SPAM1: variants seen among roughly 807,000 people sequenced by gnomAD.
The protein encoded by SPAM1 is hyaluronidase PH-20.
Under a neutral mutation model 29.6 loss-of-function variants are expected in SPAM1, and 22 were observed. The ratio of observed to expected loss-of-function variants is 0.74; its 90% CI spans 0.53 to 1.06. The LOEUF is 1.06. Ranked by LOEUF, SPAM1 falls within the 50% of genes least tolerant of loss-of-function variation. SPAM1 has a pLI of 0.00. For missense variants in SPAM1, 534 were observed against 604.0 expected (o/e 0.88, Z 1.21); for synonymous variants, 194 against 204.6 (o/e 0.95, Z 0.44).
chr7:123,925,735 CAAA>C (rs59215674), intron 1 of SPAM1: 144 of 129,260 alleles, frequency 1.1e-3, no homozygotes, highest in Admixed American at 3.0e-3. Context: ...GACTCTGTCA[CAAA>C]AAAAAAAAAA....
At position 123,929,895 on chromosome 7, in the gene SPAM1, ATT is replaced by A. The variant is rs71163712; in HGVS notation, c.-319+4562_-319+4563del. Among the ~76,000 whole-genome samples the A allele has an allele frequency of 5.0e-4, 60 of 119,778 alleles. 1 individual carries two copies. The highest frequency in any genetic ancestry group is 6.2e-4 in the African/African-American group (20 of 32,454). 78.6% of individuals were successfully genotyped at this position (119,778 alleles called of 152,430 possible). A position where few individuals can be genotyped will look rare whatever the true frequency, so the allele number is the denominator to read the frequency against. On this transcript the variant is annotated intron_variant, in intron 1 of 4. Coordinates refer to ENST00000682466, the MANE Select transcript of SPAM1 (RefSeq NM_153189.3). ...AAAGAAGGAAGCTGGGTGTTTAGGG[ATT>A]TTTTTTTTTTTTTTTTTTGAGGAGT... is the stretch of plus-strand genomic sequence containing the variant.
At chr7:123,942,708 A>G (rs1808466346) in intron 1 of SPAM1, among the ~76,000 whole-genome samples, 1 of 152,190 alleles carries the variant, frequency 6.6e-6, no homozygotes, top group Non-Finnish European at 1.5e-5. Flanking sequence ...GGACTGTCAG[A>G]AAGTGACATT....
intron 1 of SPAM1, among the ~76,000 whole-genome samples, chr7:123,933,474 G>A (rs1808153338): frequency 6.6e-6 from 1 of 152,172 alleles, no homozygotes; most frequent in Non-Finnish European, 1.5e-5. Flanking sequence ...ATGTTAAATT[G>A]TGGAGAAGTG....
intron 1 of SPAM1, among the ~76,000 whole-genome samples, chr7:123,941,383 C>T (rs796601576): frequency 6.6e-6 from 1 of 152,182 alleles, no homozygotes; most frequent in South Asian, 2.1e-4. Flanking sequence ...TGTGGCAGGG[C>T]GGGACAACTT....
intron 1 of SPAM1, among the ~76,000 whole-genome samples, chr7:123,930,689 C>T (rs1808046434): frequency 6.6e-6 from 1 of 152,156 alleles, no homozygotes; most frequent in Non-Finnish European, 1.5e-5. Flanking sequence ...AACAAAGACT[C>T]CTTATAGACT....
intron 5 of SPAM1, among the ~76,000 whole-genome samples, chr7:123,965,369 C>T (rs1289254323): frequency 6.6e-6 from 1 of 152,026 alleles, no homozygotes; most frequent in Non-Finnish European, 1.5e-5. Context: ...GTCATGATAT[C>T]TTTGCCCTTG....
At chr7:123,970,608 A>AATAATAATAATAATT (rs376690940) in intron 6 of SPAM1, among the ~76,000 whole-genome samples, 12,811 of 146,876 alleles carry the variant, frequency 0.087, 681 homozygotes, top group South Asian at 0.12. Context: ...TAATAATAAT[A>AATAATAATAATAATT]ATTATTATTA....
intron 2 of SPAM1, among the ~76,000 whole-genome samples, chr7:123,951,604 C>T (rs993151458): frequency 2.6e-5 from 4 of 151,890 alleles, no homozygotes; most frequent in Admixed American, 2.0e-4. Flanking sequence ...GCTCATTCTG[C>T]CCCATGTTTT....
intron 1 of SPAM1, among the ~76,000 whole-genome samples, chr7:123,937,319 A>AGGCC (rs1808270694): frequency 1.3e-5 from 2 of 152,130 alleles, no homozygotes; most frequent in South Asian, 4.1e-4. Flanking sequence ...AAAACACTTC[A>AGGCC]GGCCGGGCGC....
intron 1 of SPAM1, among the ~76,000 whole-genome samples, chr7:123,936,064 G>T (rs1808237065): frequency 1.3e-5 from 2 of 152,164 alleles, no homozygotes; most frequent in Non-Finnish European, 2.9e-5. Flanking sequence ...ACTCTCTGTT[G>T]TGCTTAAAAT....
chr7:123,947,578 C>CACACACACACA (rs1808620142), intron 1 of SPAM1: 1 of 147,648 alleles, frequency 6.8e-6, no homozygotes, highest in Non-Finnish European at 1.5e-5. Context: ...GATTAAAACA[C>CACACACACACA]CACACACACA....
chr7:123,938,921 C>T (rs143857807), intron 1 of SPAM1, among the ~76,000 whole-genome samples: 72 of 152,154 alleles, frequency 4.7e-4, no homozygotes, highest in African/African-American at 1.6e-3. Flanking sequence ...ATCGCAGAAC[C>T]GGGATTGGTC....
intron 1 of SPAM1, among the ~76,000 whole-genome samples, chr7:123,947,129 T>G (rs1401223219): frequency 6.6e-6 from 1 of 152,230 alleles, no homozygotes; most frequent in Non-Finnish European, 1.5e-5. Context: ...TAATTTGTTT[T>G]GTTAATTTTT....
intron 1 of SPAM1, among the ~76,000 whole-genome samples, chr7:123,938,812 T>C (rs994873182): frequency 2.6e-5 from 4 of 152,194 alleles, no homozygotes; most frequent in African/African-American, 9.7e-5. Flanking sequence ...CATTACGTAA[T>C]GCACCAGTAA....
downstream of SPAM1, among the ~76,000 whole-genome samples, chr7:123,964,042 T>G (rs1457424126): frequency 7.4e-6 from 1 of 134,676 alleles, no homozygotes; most frequent in African/African-American, 3.1e-5. Flanking sequence ...ATTTTTATTT[T>G]ATAAGACAGT....
intron 4 of SPAM1, among the ~76,000 whole-genome samples, chr7:123,955,524 C>G (rs1183398255): frequency 1.3e-5 from 2 of 151,962 alleles, no homozygotes; most frequent in African/African-American, 2.4e-5. Flanking sequence ...TTTTTCTTCT[C>G]TGGTGGTTGT....
chr7:123,928,485 A>C (rs773472940), intron 1 of SPAM1, among the ~76,000 whole-genome samples: 19 of 152,214 alleles, frequency 1.2e-4, no homozygotes, highest in Non-Finnish European at 2.4e-4. Context: ...AGAAGTCAGA[A>C]ACTAGAAAGG....
chr7:123,929,070 G>C (rs578140349), intron 1 of SPAM1, among the ~76,000 whole-genome samples: 1 of 152,090 alleles, frequency 6.6e-6, no homozygotes, highest in Non-Finnish European at 1.5e-5. Context: ...CTTTGGATTT[G>C]CTTCCGTATT....
chr7:123,962,473 T>C (rs184620733), downstream of SPAM1, among the ~76,000 whole-genome samples: 1 of 152,084 alleles, frequency 6.6e-6, no homozygotes, highest in Admixed American at 6.6e-5. Context: ...TGCTTTACTC[T>C]GTTCATTGCT....
Sources: gnomAD v4.1 joint callset for allele counts (sites outside exome capture counted in the v4.1 genomes callset) on GRCh38, gnomAD v4.1.1 for gene constraint, MANE v1.5 for transcripts, NCBI Gene and HGNC (gene_info 2026-07-23, HGNC 2026-07-21) for gene names.